The following SLC41A2 variants were observed in gnomAD, a reference collection of about 807,000 sequenced individuals.
The protein encoded by SLC41A2 is solute carrier family 41 member 2.
In SLC41A2, 32 loss-of-function variants were observed where a neutral mutation model predicts 58.3. The ratio of observed to expected loss-of-function variants is 0.55; its 90% CI spans 0.41 to 0.74. SLC41A2 has a LOEUF of 0.74. Among genes scored for constraint, SLC41A2 ranks in the 30% least tolerant of loss-of-function variants. The probability of loss-of-function intolerance (pLI) is 0.00; values close to 1 mark genes in which losing one functional copy is unlikely to be tolerated. For synonymous variants in SLC41A2, 190 were observed against 235.0 expected (o/e 0.81, Z 1.75); for missense variants, 514 against 680.6 (o/e 0.76, Z 2.72).
rs534415343 is a variant in SLC41A2, at chr12:104,803,779, C to T, written c.*1373G>A. Reference sequence around the variant, plus strand: ...ATATAGTATATATGATTGGGTCCCACGTAGAAATAAGCCTGTACAAATGGA... The same window carrying T: ...ATATAGTATATATGATTGGGTCCCATGTAGAAATAAGCCTGTACAAATGGA... On this transcript the variant is annotated 3_prime_UTR_variant, in exon 11 of 11. Coordinates refer to ENST00000258538, the MANE Select transcript of SLC41A2 (RefSeq NM_001352171.3). 48 of 152,058 alleles carry T rather than the reference C, an allele frequency of 3.2e-4. 1 individual carries two copies. The South Asian group carries it at 3.5e-3, about 11-fold the overall frequency. The allele number at this position is 152,058 out of a possible 1,614,324, so 9.4% of individuals were successfully genotyped here.
chr12:104,829,219 A>G (rs1592952313), intron 10 of SLC41A2, among the ~76,000 whole-genome samples: 1 of 152,246 alleles, frequency 6.6e-6, no homozygotes, highest in African/African-American at 2.4e-5. Flanking sequence ...AGCTTCATGC[A>G]TAACAGCCCC....
In SLC41A2 at chr12:104,805,174, C is replaced by A; in HGVS notation, c.1700G>T (p.Arg567Leu). The A allele has an allele frequency of 6.2e-7, 1 of 1,611,074 alleles. No individual in the cohort carries two copies. Among genetic ancestry groups the A allele is most frequent in the Non-Finnish European group, 8.5e-7 (1 of 1,178,632 alleles). ...SFHFLWLIGD[R>L]DGDVGD ...TTATTAGTCTCCAACATCTCCATCTCGATCTCCAATAAGCCAAAGAAAATG... is the reference window on the plus strand; with the variant it reads ...TTATTAGTCTCCAACATCTCCATCTAGATCTCCAATAAGCCAAAGAAAATG... The change falls in exon 11 of 11, where the codon CGA (arginine) becomes CTA (leucine). Residue 567 changes from arginine to leucine, a missense_variant. Arg to Leu is a moderately radical substitution (Grantham distance 102, BLOSUM62 -2). Coordinates refer to ENST00000258538, the MANE Select transcript of SLC41A2 (RefSeq NM_001352171.3).
intron 10 of SLC41A2, among the ~76,000 whole-genome samples, chr12:104,826,723 T>C (rs960708955): frequency 3.3e-5 from 5 of 152,188 alleles, no homozygotes; most frequent in Admixed American, 3.3e-4. Flanking sequence ...AAATGGGGGA[T>C]CTTGGCAAGT....
At chr12:104,856,991 C>A (rs1372224540) in intron 8 of SLC41A2, among the ~76,000 whole-genome samples, 3 of 152,090 alleles carry the variant, frequency 2.0e-5, no homozygotes, top group African/African-American at 4.8e-5. Flanking sequence ...CATTTTTAGT[C>A]TCTTTTTAAA....
rs574699741 is a variant in SLC41A2, at chr12:104,855,107, C to T, written c.1255+6184G>A. ...GTCTCTTCTCTTGGAAAAAGTTCCTCATCTGGACTTCTAAGTGTCATTCTA... is the reference window on the plus strand; with the variant it reads ...GTCTCTTCTCTTGGAAAAAGTTCCTTATCTGGACTTCTAAGTGTCATTCTA... On this transcript the variant is annotated intron_variant, in intron 8 of 10. Transcript: ENST00000258538. Among the ~76,000 whole-genome samples, 5 of 152,324 alleles carry T rather than the reference C, an allele frequency of 3.3e-5. No homozygotes were observed. In the South Asian group the frequency reaches 1.0e-3, roughly 32 times the overall value.
chr12:104,900,965 C>T (rs1434969239), intron 3 of SLC41A2, among the ~76,000 whole-genome samples: 6 of 152,258 alleles, frequency 3.9e-5, no homozygotes, highest in Middle Eastern at 3.4e-3. Flanking sequence ...CTGTTTTGTT[C>T]GTTACTGATC....
intron 10 of SLC41A2, chr12:104,833,978 GA>G: frequency 1.0e-6 from 1 of 976,806 alleles, no homozygotes; most frequent in Non-Finnish European, 1.2e-6. Flanking sequence ...CAGAGCACAG[GA>G]AGCAATGTCC....
At chr12:104,917,653 T>G (rs201631417) in intron 2 of SLC41A2, among the ~76,000 whole-genome samples, 7,023 of 151,430 alleles carry the variant, frequency 0.046, 210 homozygotes, top group East Asian at 0.11. Flanking sequence ...CCATAAAAAA[T>G]GATGAGTTCA....
intron 10 of SLC41A2, among the ~76,000 whole-genome samples, chr12:104,811,984 C>G (rs1315130391): frequency 5.9e-5 from 9 of 152,176 alleles, no homozygotes; most frequent in Non-Finnish European, 1.2e-4. Context: ...TCTGGAGAAA[C>G]TGAGTGGTAG....
intron 1 of SLC41A2, among the ~76,000 whole-genome samples, chr12:104,945,789 T>C (rs2047696260): frequency 1.3e-5 from 2 of 152,184 alleles, no homozygotes. Context: ...TTTCAGACAA[T>C]TCAGAATTCT....
chr12:104,802,471 ATTT>A lies in SLC41A2; in HGVS notation c.*2678_*2680del, dbSNP rs2040735447. 1 of 151,980 alleles carries A rather than the reference ATTT, an allele frequency of 6.6e-6. No individual in the cohort carries two copies. The highest frequency in any genetic ancestry group is 1.5e-5 in the Non-Finnish European group (1 of 67,958). The allele number at this position is 151,980 out of a possible 1,614,324, so 9.4% of individuals were successfully genotyped here. A position where few individuals can be genotyped will look rare whatever the true frequency, so the allele number is the denominator to read the frequency against. On this transcript the variant is annotated 3_prime_UTR_variant, in exon 11 of 11. Coordinates refer to ENST00000258538, the MANE Select transcript of SLC41A2 (RefSeq NM_001352171.3). Reference sequence around the variant, plus strand: ...CGGCGAATTGGTGACTAATGTTTTTATTTTTTTCTCCTGTTACATGCCTTTTAG... The same window carrying A: ...CGGCGAATTGGTGACTAATGTTTTTATTTTCTCCTGTTACATGCCTTTTAG...
At chr12:104,809,475 G>A (rs2041075865) in intron 10 of SLC41A2, among the ~76,000 whole-genome samples, 1 of 152,216 alleles carries the variant, frequency 6.6e-6, no homozygotes, top group South Asian at 2.1e-4. Context: ...CTGTCAGAGA[G>A]AGGTTGTACT....
rs765240789 is a variant in SLC41A2 at position 104,801,864 on chromosome 12, C to A, written c.*3288G>T. On this transcript the variant is annotated 3_prime_UTR_variant, in exon 11 of 11. Coordinates refer to ENST00000258538, the MANE Select transcript of SLC41A2 (RefSeq NM_001352171.3). ...ATATGTATACATAAATTACCCCAGTCTCTTCTGGGAGATTTCCACACTGGC... is the reference window on the plus strand; with the variant it reads ...ATATGTATACATAAATTACCCCAGTATCTTCTGGGAGATTTCCACACTGGC... Among the ~76,000 whole-genome samples the A allele has an allele frequency of 5.3e-5, 8 of 152,180 alleles. No homozygotes were observed. The highest frequency in any genetic ancestry group is 1.0e-4 in the Non-Finnish European group (7 of 68,032).
chr12:104,841,472 G>C (rs749612266), intron 10 of SLC41A2, among the ~76,000 whole-genome samples: 18 of 151,844 alleles, frequency 1.2e-4, no homozygotes, highest in Non-Finnish European at 2.7e-4. Flanking sequence ...GCTGGGTGCT[G>C]GAGATACAAA....
At chr12:104,889,620 T>C (rs1490904449) in intron 4 of SLC41A2, among the ~76,000 whole-genome samples, 1 of 152,178 alleles carries the variant, frequency 6.6e-6, no homozygotes, top group African/African-American at 2.4e-5. Context: ...TTAAACTCAT[T>C]CATTCAAGGA....
At chr12:104,940,826 G>C (rs918394550) in intron 1 of SLC41A2, among the ~76,000 whole-genome samples, 1 of 151,498 alleles carries the variant, frequency 6.6e-6, no homozygotes, top group African/African-American at 2.4e-5. Context: ...GGCTGAGGCA[G>C]GAGAATTACT....
intron 10 of SLC41A2, among the ~76,000 whole-genome samples, chr12:104,836,001 T>C (rs2042196222): frequency 6.6e-6 from 1 of 152,160 alleles, no homozygotes; most frequent in African/African-American, 2.4e-5. Flanking sequence ...CAAGCCACCA[T>C]GCCCAGCTAA....
chr12:104,929,576 C>T (rs1351845137), intron 1 of SLC41A2, among the ~76,000 whole-genome samples: 1 of 152,214 alleles, frequency 6.6e-6, no homozygotes, highest in Non-Finnish European at 1.5e-5. Context: ...ATAACTGTGG[C>T]ACATCAAAGA....
intron 4 of SLC41A2, among the ~76,000 whole-genome samples, chr12:104,893,775 T>A (rs2045135421): frequency 6.6e-6 from 1 of 152,192 alleles, no homozygotes; most frequent in African/African-American, 2.4e-5. Context: ...CATTGGATGT[T>A]CTCACTTATT....
Sources: gnomAD v4.1 joint callset for allele counts (sites outside exome capture counted in the v4.1 genomes callset) on GRCh38, gnomAD v4.1.1 for gene constraint, MANE v1.5 for transcripts, NCBI Gene and HGNC (gene_info 2026-07-23, HGNC 2026-07-21) for gene names.